The following DOCK9 variants were observed in gnomAD, a reference collection of about 807,000 sequenced individuals.
DOCK9 encodes dedicator of cytokinesis 9.
In DOCK9, 89 loss-of-function variants were observed where a neutral mutation model predicts 263.3. The observed-to-expected ratio is 0.34, with a 90% CI of 0.28 to 0.40. The LOEUF (loss-of-function observed/expected upper bound fraction) is 0.40. Ranked by LOEUF, DOCK9 falls within the 10% of genes least tolerant of loss-of-function variation. DOCK9 has a pLI of 1.00. For missense variants in DOCK9, 2,140 were observed against 2,603.4 expected (o/e 0.82, Z 3.87); for synonymous variants, 976 against 973.1 (o/e 1.00, Z -0.06).
chr13:99,069,947 AT>A (rs1734780924), intron 1 of DOCK9, among the ~76,000 whole-genome samples: 1 of 152,244 alleles, frequency 6.6e-6, no homozygotes, highest in Non-Finnish European at 1.5e-5. Context: ...TTAATTCCTC[AT>A]CAAGAAACAG....
chr13:98,938,679 T>C (rs1477847560), intron 2 of DOCK9, among the ~76,000 whole-genome samples: 3 of 149,962 alleles, frequency 2.0e-5, no homozygotes, highest in Non-Finnish European at 4.4e-5. Context: ...ATTTCTATTA[T>C]TTTTCTAACC....
chr13:98,989,976 C>T (rs1262898059), intron 1 of DOCK9, among the ~76,000 whole-genome samples: 1 of 152,164 alleles, frequency 6.6e-6, no homozygotes, highest in Non-Finnish European at 1.5e-5. Flanking sequence ...ATTGTGTGAT[C>T]ACATATTGAA....
intron 1 of DOCK9, among the ~76,000 whole-genome samples, chr13:98,970,560 A>C (rs762431721): frequency 2.0e-5 from 3 of 152,146 alleles, no homozygotes; most frequent in East Asian, 3.8e-4. Flanking sequence ...CTCCATATTA[A>C]GGAAATCCCA....
At chr13:98,966,685 T>C (rs73568446) in intron 1 of DOCK9, among the ~76,000 whole-genome samples, 181 of 152,306 alleles carry the variant, frequency 1.2e-3, no homozygotes, top group African/African-American at 3.7e-3. Context: ...TTTTAAGATA[T>C]TGGGGATAGG....
intron 7 of DOCK9, 64 bp downstream of exon 7, chr13:98,920,890 T>G: frequency 1.6e-5 from 23 of 1,462,146 alleles, no homozygotes; most frequent in Non-Finnish European, 2.0e-5. Flanking sequence ...TTAAATCTGC[T>G]AATTTACACA....
intron 2 of DOCK9, among the ~76,000 whole-genome samples, chr13:98,944,425 G>GA (rs1011906546): frequency 9.1e-5 from 13 of 143,460 alleles, no homozygotes; most frequent in East Asian, 2.0e-4. Flanking sequence ...GCAGGCTGAG[G>GA]AAAAAAAAAA....
At chr13:98,868,994 A>C (rs1244877453) in intron 27 of DOCK9, among the ~76,000 whole-genome samples, 1 of 152,238 alleles carries the variant, frequency 6.6e-6, no homozygotes, top group Non-Finnish European at 1.5e-5. Flanking sequence ...CAGCGGGTGC[A>C]GGGAGAAGGG....
intron 38 of DOCK9, among the ~76,000 whole-genome samples, chr13:98,839,333 G>A (rs1243042246): frequency 1.3e-5 from 2 of 152,216 alleles, no homozygotes; most frequent in African/African-American, 4.8e-5. Flanking sequence ...GTACTGCCAT[G>A]ATGGTAATCC....
chr13:98,867,884 G>T, intron 29 of DOCK9, 44 bp downstream of exon 29: 1 of 1,523,258 alleles, frequency 6.6e-7, no homozygotes, highest in Non-Finnish European at 9.0e-7. Flanking sequence ...ACCAGAGAAA[G>T]GCTACATGGT....
chr13:99,066,640 G>A (rs973587617), intron 1 of DOCK9, among the ~76,000 whole-genome samples: 3 of 151,462 alleles, frequency 2.0e-5, no homozygotes, highest in Non-Finnish European at 4.4e-5. Flanking sequence ...TGCACCTATG[G>A]AGCGTATTCT....
At chr13:99,034,932 G>C (rs1009577448) in intron 1 of DOCK9, among the ~76,000 whole-genome samples, 1 of 152,110 alleles carries the variant, frequency 6.6e-6, no homozygotes, top group Non-Finnish European at 1.5e-5. Flanking sequence ...AATCAATGTG[G>C]AACCACCGGA....
Position 98,991,215 on chromosome 13 carries a change from GCATGCACCAC to G in DOCK9, c.130-35674_130-35665del, listed in dbSNP as rs564463519. 9.7e-4 allele frequency among the ~76,000 whole-genome samples: 147 copies of G among 152,132 alleles called. 2 individuals are homozygous for G. The highest frequency in any genetic ancestry group is 3.4e-3 in the African/African-American group (140 of 41,510). On this transcript the variant is annotated intron_variant, in intron 1 of 32. Transcript: ENST00000427887. Reference sequence around the variant, plus strand: ...GCCTCCCCAGTAGCTAAGACTATAGGCATGCACCACCATGCCCGGCTGATTTTCGTATTTT... The same window carrying G: ...GCCTCCCCAGTAGCTAAGACTATAGGCATGCCCGGCTGATTTTCGTATTTT...
chr13:98,848,079 G>C (rs147969736), intron 37 of DOCK9, among the ~76,000 whole-genome samples: 127 of 152,322 alleles, frequency 8.3e-4, no homozygotes, highest in Non-Finnish European at 1.9e-4. Context: ...AAGAGAAAAG[G>C]CTCCATTTTA....
Position 98,925,906 on chromosome 13 carries a change from T to C in DOCK9, c.347A>G (p.Tyr116Cys), listed in dbSNP as rs891190858. 9 of 1,583,216 alleles carry C rather than the reference T, an allele frequency of 5.7e-6. No individual in the cohort carries two copies. The highest frequency in any genetic ancestry group is 1.8e-5 in the Admixed American group (1 of 56,166). Reference sequence around the variant, plus strand: ...GTTCACAAGATGCCAGTCAGAGTTATAGGTTTTGATGCACTATTGAAGGGG... The same window carrying C: ...GTTCACAAGATGCCAGTCAGAGTTACAGGTTTTGATGCACTATTGAAGGGG... The part of the protein sequence containing the change: ...SLFVTECIKT[Y>C]NSDWHLVNYK... Residue 116 changes from tyrosine to cysteine, a missense_variant, in exon 4 of 53, where the codon TAT becomes TGT. Tyr to Cys is a radical substitution (Grantham distance 194). Around this residue, in one of 2 missense-constraint regions of DOCK9, gnomAD observed 1,521 missense variants for 1,741.7 expected, o/e 0.87. Coordinates refer to ENST00000682017, the MANE Select transcript of DOCK9 (RefSeq NM_001366683.2).
At chr13:98,845,282 A>C (rs764502888) in intron 38 of DOCK9, 7 of 1,316,802 alleles carry the variant, frequency 5.3e-6, no homozygotes, top group African/African-American at 1.5e-5. Flanking sequence ...CTTGGCTTGC[A>C]AGTGAAGCAA....
At chr13:98,840,810 G>T (rs2093183244) in intron 38 of DOCK9, among the ~76,000 whole-genome samples, 1 of 152,114 alleles carries the variant, frequency 6.6e-6, no homozygotes, top group Admixed American at 6.5e-5. Context: ...CAAAATTCTT[G>T]TTCGTATTTT....
At chr13:98,853,569 A>G in intron 34 of DOCK9, 47 bp from the exon 35 acceptor site, 1 of 1,350,470 alleles carries the variant, frequency 7.4e-7, no homozygotes. Context: ...ACGGGAGGAA[A>G]ACGTGTTTCC....
intron 2 of DOCK9, 70 bp from the exon 3 acceptor site, chr13:98,930,327 T>G: frequency 1.5e-6 from 2 of 1,340,884 alleles, no homozygotes; most frequent in South Asian, 1.2e-5. Flanking sequence ...AGAGTGCAGC[T>G]GTGTGCCCTG....
At position 98,825,993 on chromosome 13, in the gene DOCK9, C is replaced by T. The variant is rs545493630; in HGVS notation, c.5023+837G>A. ...TAAAAGGTCTCAACAGGAAATAGTA[C>T]CGGTATTAAATGAACATGGAGCCCT... On this transcript the variant is annotated intron_variant, in intron 44 of 52. Coordinates refer to ENST00000682017, the MANE Select transcript of DOCK9 (RefSeq NM_001366683.2). This position sits in a 1 kb window ranked among gnomAD's most constrained non-coding sequence, Gnocchi z 4.1. 53 of 1,388,668 alleles carry T rather than the reference C, an allele frequency of 3.8e-5. 1 individual carries two copies. In the South Asian group the frequency reaches 8.0e-4, roughly 21 times the overall value. The allele number at this position is 1,388,668 out of a possible 1,614,324, so 86.0% of individuals were successfully genotyped here.
Sources: allele counts gnomAD v4.1 joint callset (sites outside exome capture counted in the v4.1 genomes callset), GRCh38; gene constraint gnomAD v4.1.1; regional missense constraint gnomAD v4.1.1; non-coding constraint Gnocchi (gnomAD v3.1); transcripts MANE v1.5; gene names NCBI Gene and HGNC (gene_info 2026-07-23, HGNC 2026-07-21).